UBE2G2: variants seen among roughly 807,000 people sequenced by gnomAD.
UBE2G2 encodes the protein ubiquitin conjugating enzyme E2 G2.
In UBE2G2, 10 loss-of-function variants were observed where a neutral mutation model predicts 23.0. That is an observed-to-expected ratio of 0.43 (90% CI 0.27 to 0.74). The LOEUF is 0.74. UBE2G2 is among the 30% of genes least tolerant of loss of function. The pLI is 0.19. For synonymous variants in UBE2G2, 86 were observed against 81.3 expected (o/e 1.06, Z -0.31); for missense variants, 150 against 218.3 (o/e 0.69, Z 1.97).
At chr21:44,779,515 C>G (rs540740337) in intron 3 of UBE2G2, among the ~76,000 whole-genome samples, 2 of 152,024 alleles carry the variant, frequency 1.3e-5, no homozygotes, top group Non-Finnish European at 2.9e-5. Context: ...GTACCCCCCC[C>G]GGCCCACACT....
chr21:44,781,663 A>G (rs1477633856), intron 3 of UBE2G2, among the ~76,000 whole-genome samples: 1 of 152,186 alleles, frequency 6.6e-6, no homozygotes, highest in Admixed American at 6.5e-5. Flanking sequence ...CCAGGATGAC[A>G]TATTTGACCC....
At chr21:44,795,206 T>C (rs2083076845) in intron 1 of UBE2G2, among the ~76,000 whole-genome samples, 1 of 151,942 alleles carries the variant, frequency 6.6e-6, no homozygotes, top group Admixed American at 6.6e-5. Flanking sequence ...GATGTTGCAG[T>C]GAGCTGAGAT....
At chr21:44,788,539 T>A (rs2083018584) in intron 1 of UBE2G2, among the ~76,000 whole-genome samples, 1 of 152,136 alleles carries the variant, frequency 6.6e-6, no homozygotes, top group Non-Finnish European at 1.5e-5. Context: ...TCCGCCAGCC[T>A]CGGCCTCCCA....
intron 1 of UBE2G2, among the ~76,000 whole-genome samples, chr21:44,793,951 C>T (rs1313655532): frequency 2.0e-5 from 3 of 152,102 alleles, no homozygotes; most frequent in Non-Finnish European, 4.4e-5. Flanking sequence ...TACTTTGCAG[C>T]TATAAATACC....
chr21:44,773,552 A>G lies in UBE2G2; in HGVS notation c.380T>C (p.Leu127Pro). The change falls in exon 5 of 6, where the codon CTG becomes CCG. Residue 127 changes from leucine (L) to proline (P), a missense_variant. Transcript: ENST00000345496. ...EKILLSVVSM[L>P]AEPNDESGAN... ...CCAGGAGGCTCGGGCCTTACCTGCC[A>G]GCATGCTCACCACCGACAGCAGGAT... 6.2e-7 allele frequency: 1 copy of G among 1,608,328 alleles called. No homozygotes were observed. The highest frequency in any genetic ancestry group is 1.7e-5 in the Admixed American group (1 of 59,976).
intron 1 of UBE2G2, among the ~76,000 whole-genome samples, chr21:44,788,961 A>C (rs1555962538): frequency 6.6e-6 from 1 of 152,174 alleles, no homozygotes; most frequent in African/African-American, 2.4e-5. Flanking sequence ...AGGAAAGCCC[A>C]AAAGAATCTA....
At chr21:44,789,917 AAGG>A (rs1440787512) in intron 1 of UBE2G2, among the ~76,000 whole-genome samples, 2 of 152,100 alleles carry the variant, frequency 1.3e-5, no homozygotes, top group East Asian at 1.9e-4. Context: ...GTAAGGGCAC[AAGG>A]AGAAGACAGT....
In UBE2G2 at chr21:44,787,969, T is replaced by C; in HGVS notation, c.80-4A>G. The C allele has an allele frequency of 6.2e-7, 1 of 1,613,182 alleles. No individual in the cohort carries two copies. The highest frequency in any genetic ancestry group is 1.1e-5 in the South Asian group (1 of 90,824). ...AAGTTCTCTTCATTCATGGGGCCTG[T>C]AGGGTGAGAAAAAATTTCACAACAT... On this transcript the variant is annotated splice_polypyrimidine_tract_variant and splice_region_variant and intron_variant, in intron 2 of 5. Coordinates refer to ENST00000345496, the MANE Select transcript of UBE2G2 (RefSeq NM_003343.6).
In UBE2G2 at chr21:44,781,110, A is replaced by G. The variant is rs200959698; in HGVS notation, c.126-3693T>C. On this transcript the variant is annotated intron_variant, in intron 3 of 5. Coordinates refer to ENST00000345496, the MANE Select transcript of UBE2G2 (RefSeq NM_003343.6). ...ACAAGAAGTCTCCAACGCACATGTG[A>G]TAAAGAATTAAAATCACAGAGAATG... is the stretch of plus-strand genomic sequence containing the variant. Among the ~76,000 whole-genome samples, 4 of 152,248 alleles carry G rather than the reference A, an allele frequency of 2.6e-5. No individual in the cohort carries two copies. The East Asian group carries it at 7.7e-4, about 29-fold the overall frequency.
intron 1 of UBE2G2, among the ~76,000 whole-genome samples, chr21:44,793,784 C>A (rs2083063997): frequency 6.6e-6 from 1 of 152,154 alleles, no homozygotes; most frequent in South Asian, 2.1e-4. Context: ...AATTCCATTT[C>A]TAGGAATCCA....
chr21:44,777,677 G>A (rs1157955377), intron 3 of UBE2G2, among the ~76,000 whole-genome samples: 6 of 151,956 alleles, frequency 3.9e-5, no homozygotes, highest in Admixed American at 6.6e-5. Context: ...GTGTGGTGGC[G>A]CATGACTGTA....
intron 4 of UBE2G2, among the ~76,000 whole-genome samples, chr21:44,775,738 C>T (rs2082908321): frequency 6.6e-6 from 1 of 152,156 alleles, no homozygotes; most frequent in African/African-American, 2.4e-5. Context: ...TAATTACCTA[C>T]AATCCTCTTC....
Position 44,770,379 on chromosome 21 carries a change from T to G in UBE2G2, c.*998A>C, listed in dbSNP as rs909546657. On this transcript the variant is annotated 3_prime_UTR_variant, in exon 6 of 6. Transcript: ENST00000345496. Reference sequence around the variant, plus strand: ...TACAAACGTAAATCTTTGATGAGTATGGTCGGGAAAAAACTGTCTGTCCTT... The same window carrying G: ...TACAAACGTAAATCTTTGATGAGTAGGGTCGGGAAAAAACTGTCTGTCCTT... 1.3e-5 allele frequency: 2 copies of G among 152,210 alleles called. No homozygotes were observed. The highest frequency in any genetic ancestry group is 2.9e-5 in the Non-Finnish European group (2 of 68,030). 9.4% of individuals were successfully genotyped at this position (152,210 alleles called of 1,614,324 possible). A position where few individuals can be genotyped will look rare whatever the true frequency, so the allele number is the denominator to read the frequency against.
chr21:44,782,853 A>C (rs1555961487), intron 3 of UBE2G2, among the ~76,000 whole-genome samples: 1 of 152,206 alleles, frequency 6.6e-6, no homozygotes, highest in Non-Finnish European at 1.5e-5. Context: ...AGCAAACATA[A>C]GAGAAAATCT....
At chr21:44,790,478 T>C (rs1407896661) in intron 1 of UBE2G2, among the ~76,000 whole-genome samples, 3 of 152,218 alleles carry the variant, frequency 2.0e-5, no homozygotes, top group Non-Finnish European at 4.4e-5. Context: ...TCATCTTGAA[T>C]TGTAATCTCC....
chr21:44,780,896 C>T (rs2146390684), intron 3 of UBE2G2, among the ~76,000 whole-genome samples: 1 of 152,290 alleles, frequency 6.6e-6, no homozygotes, highest in South Asian at 2.1e-4. Context: ...TTTTTACTTT[C>T]TAGATAAGAG....
chr21:44,783,467 T>C (rs2082971873), intron 3 of UBE2G2, among the ~76,000 whole-genome samples: 1 of 152,200 alleles, frequency 6.6e-6, no homozygotes, highest in South Asian at 2.1e-4. Flanking sequence ...ACAAGACAAG[T>C]GTTTACAGCA....
chr21:44,779,026 T>G (rs1463288169), intron 3 of UBE2G2: 1 of 180,962 alleles, frequency 5.5e-6, no homozygotes, highest in African/African-American at 2.4e-5. Flanking sequence ...TTTAAAAATC[T>G]TAAAATTATC....
chr21:44,777,297 A>T lies in UBE2G2; in HGVS notation c.244+2T>A. ...ACAAAAACTACTTCCAAAAGCACTT[A>T]CTGTTGGGATGAAACATCTCACAGG... On this transcript the variant is annotated splice_donor_variant, in intron 4 of 5. Coordinates refer to ENST00000345496, the MANE Select transcript of UBE2G2 (RefSeq NM_003343.6). LOFTEE classifies it high-confidence loss of function. The T allele has an allele frequency of 6.2e-7, 1 of 1,612,932 alleles. No homozygotes were observed. Among genetic ancestry groups the T allele is most frequent in the Non-Finnish European group, 8.5e-7 (1 of 1,179,082 alleles).
Sources: gnomAD v4.1 joint callset for allele counts (sites outside exome capture counted in the v4.1 genomes callset) on GRCh38, gnomAD v4.1.1 for gene constraint, MANE v1.5 for transcripts, NCBI Gene and HGNC (gene_info 2026-07-23, HGNC 2026-07-21) for gene names.